The following SYNE1 variants were observed in gnomAD, a reference collection of about 807,000 sequenced individuals.
SYNE1 encodes nesprin-1.
SYNE1 carries 616 observed loss-of-function variants against 1,111.0 expected under a neutral mutation model. That is an observed-to-expected ratio of 0.55 (90% CI 0.52 to 0.59). The LOEUF is 0.59. SYNE1 is among the 20% of genes least tolerant of loss of function. The pLI, the probability that SYNE1 is intolerant of heterozygous loss-of-function variation, is 0.00. For synonymous variants in SYNE1, 3,855 were observed against 3,825.8 expected, an observed-to-expected ratio of 1.01 and a Z score of -0.28; for missense variants, 10,006 against 10,417.0, an observed-to-expected ratio of 0.96 and a Z score of 1.72.
chr6:152,547,181 C>T (rs1200655498), intron 3 of SYNE1, among the ~76,000 whole-genome samples: 2 of 152,228 alleles, frequency 1.3e-5, no homozygotes, highest in Non-Finnish European at 2.9e-5. Context: ...TGTTGTTGCT[C>T]CACACCACTA....
rs539319557 is a variant in SYNE1, at chr6:152,376,608, A to T, written c.9147-50T>A. 463 of 1,603,922 alleles carry T rather than the reference A, an allele frequency of 2.9e-4. 8 individuals are homozygous for T. The South Asian group carries it at 4.8e-3, about 17-fold the overall frequency. Reference sequence around the variant, plus strand: ...ATGGCAGGAAAAAGCGATAAAGTTGATGAAAATCATGTTTGATAGAATCAC... The same window carrying T: ...ATGGCAGGAAAAAGCGATAAAGTTGTTGAAAATCATGTTTGATAGAATCAC... On this transcript the variant is annotated intron_variant, in intron 57 of 145. Transcript: ENST00000367255.
intron 6 of SYNE1, chr6:152,511,519 T>C: frequency 6.5e-7 from 1 of 1,542,840 alleles, no homozygotes; most frequent in South Asian, 1.1e-5. Flanking sequence ...TAACTTATGT[T>C]CCCTTTTACC....
intron 127 of SYNE1, among the ~76,000 whole-genome samples, 188 bp from the exon 128 acceptor site, chr6:152,189,595 T>C (rs2071596357): frequency 2.0e-5 from 3 of 152,190 alleles, no homozygotes; most frequent in South Asian, 4.1e-4. Flanking sequence ...AAAGTATATA[T>C]CACAATAAAG....
intron 52 of SYNE1, 113 bp from the exon 53 acceptor site, chr6:152,390,565 A>C: frequency 9.0e-7 from 1 of 1,111,466 alleles, no homozygotes; most frequent in Non-Finnish European, 1.3e-6. Flanking sequence ...TTACCTTAAA[A>C]TGAAAACAAC....
At position 152,153,779 on chromosome 6, in the gene SYNE1, C is replaced by T. The variant is rs2060865622; in HGVS notation, c.24129+1113G>A. On this transcript the variant is annotated intron_variant, in intron 133 of 145. Coordinates refer to ENST00000367255, the MANE Select transcript of SYNE1 (RefSeq NM_182961.4). ...TTATTTTAATTTAGTGGTATAGTTA[C>T]ATATGAATTCATTCACCATTCAGAC... Among the ~76,000 whole-genome samples, 7 of 152,310 alleles carry T rather than the reference C, an allele frequency of 4.6e-5. No homozygotes were observed. The South Asian group carries it at 1.4e-3, about 32-fold the overall frequency.
intron 125 of SYNE1, 139 bp downstream of exon 125, chr6:152,207,833 A>G (rs2076800339): frequency 4.8e-6 from 4 of 838,162 alleles, no homozygotes; most frequent in African/African-American, 1.7e-5. Flanking sequence ...ATCATTTTGT[A>G]TATTTCTGTT....
chr6:152,391,651 T>G, intron 51 of SYNE1, 83 bp from the exon 52 acceptor site: 1 of 1,460,826 alleles, frequency 6.8e-7, no homozygotes, highest in Non-Finnish European at 9.1e-7. Context: ...TGATTGTTGA[T>G]ATTGGAGCAG....
At chr6:152,166,483 C>G (rs1280323834) in intron 130 of SYNE1, among the ~76,000 whole-genome samples, 2 of 152,166 alleles carry the variant, frequency 1.3e-5, no homozygotes, top group African/African-American at 2.4e-5. Context: ...TGGTTCAAAA[C>G]TCACAAATAT....
intron 78 of SYNE1, 120 bp from the exon 79 acceptor site, chr6:152,326,753 A>G (rs2096076295): frequency 2.2e-6 from 2 of 903,972 alleles, no homozygotes; most frequent in African/African-American, 1.6e-5. Flanking sequence ...GTGTAAGTGC[A>G]TTGATAAGTT....
At chr6:152,231,592 G>T (rs774183893) in intron 113 of SYNE1, 25 bp from the exon 114 acceptor site, 8 of 1,609,570 alleles carry the variant, frequency 5.0e-6, no homozygotes, top group Non-Finnish European at 6.8e-6. Context: ...GAGAAAATAA[G>T]ATTATACAAT....
chr6:152,459,181 T>C (rs2098715826), intron 21 of SYNE1, among the ~76,000 whole-genome samples: 1 of 152,154 alleles, frequency 6.6e-6, no homozygotes, highest in South Asian at 2.1e-4. Flanking sequence ...AAATCGTCCA[T>C]CTGGATAGCA....
chr6:152,269,093 A>C, intron 99 of SYNE1, 62 bp downstream of exon 99: 1 of 1,612,432 alleles, frequency 6.2e-7, no homozygotes, highest in Non-Finnish European at 8.5e-7. Context: ...CTTCTGAAAT[A>C]TGCCTCTCAG....
chr6:152,480,231 T>C (rs11155853), intron 14 of SYNE1, among the ~76,000 whole-genome samples: 79,114 of 152,112 alleles, frequency 0.52, 22,352 homozygotes, highest in East Asian at 0.76. Flanking sequence ...TTTTAATAAG[T>C]CAAACTTGGC....
intron 34 of SYNE1, 129 bp from the exon 35 acceptor site, chr6:152,430,838 G>T: frequency 1.1e-6 from 1 of 891,828 alleles, no homozygotes; most frequent in Non-Finnish European, 1.8e-6. Flanking sequence ...TTAGAGCGCA[G>T]CTGTGAGCAA....
intron 3 of SYNE1, among the ~76,000 whole-genome samples, chr6:152,609,040 C>G (rs1030605027): frequency 1.3e-5 from 2 of 152,060 alleles, no homozygotes; most frequent in Admixed American, 1.3e-4. Flanking sequence ...TCTGCAGCTC[C>G]CAGAGTGATC....
At position 152,380,927 on chromosome 6, in the gene SYNE1, AT is replaced by A. The variant is rs763377030; in HGVS notation, c.9009+78del. ...ATGTTGCGTGTTTTTAGTTAGCAAG[AT>A]TTTTTTTTTAAGGAATGATGAAAGT... On this transcript the variant is annotated intron_variant, in intron 56 of 145. Coordinates refer to ENST00000367255, the MANE Select transcript of SYNE1 (RefSeq NM_182961.4). 5,116 of 1,252,068 alleles carry A rather than the reference AT, an allele frequency of 4.1e-3. 2 individuals are homozygous for A. The highest frequency in any genetic ancestry group is 0.011 in the East Asian group (422 of 37,972). The allele number at this position is 1,252,068 out of a possible 1,614,324, so 77.6% of individuals were successfully genotyped here. A position where few individuals can be genotyped will look rare whatever the true frequency, so the allele number is the denominator to read the frequency against.
At position 152,262,187 on chromosome 6, in the gene SYNE1, C is replaced by T. The variant is rs201346604; in HGVS notation, c.18817G>A (p.Glu6273Lys). 215 of 1,613,362 alleles carry T rather than the reference C, an allele frequency of 1.3e-4. 1 individual carries two copies. The highest frequency in any genetic ancestry group is 4.5e-4 in the African/African-American group (34 of 74,924). The change falls in exon 101 of 146, where the codon GAA (glutamate) becomes AAA (lysine). Residue 6273 changes from glutamate to lysine, a missense_variant and splice_region_variant. This residue lies in a region of SYNE1 where 2,182 missense variants were observed against 2,287.8 expected (regional missense o/e 0.95). Coordinates refer to ENST00000367255, the MANE Select transcript of SYNE1 (RefSeq NM_182961.4). ...TCCTGGGATAACACATCAGGTTTTT[C>T]GCTATTAGAAGAATAAATAATCTAA... ...SAAETSGDAGEKPDVLSQELG... is the reference protein window; with the variant it reads ...SAAETSGDAGKKPDVLSQELG...
intron 127 of SYNE1, among the ~76,000 whole-genome samples, chr6:152,191,900 T>C (rs538125837): frequency 6.6e-6 from 1 of 152,080 alleles, no homozygotes; most frequent in Non-Finnish European, 1.5e-5. Context: ...ACTTCCATCT[T>C]AGTACTGCTT....
At chr6:152,274,880 G>A (rs977281689) in intron 98 of SYNE1, among the ~76,000 whole-genome samples, 2 of 152,124 alleles carry the variant, frequency 1.3e-5, no homozygotes, top group Non-Finnish European at 2.9e-5. Context: ...ACAGGTGGGA[G>A]CCATGGCCCA....
Sources: gnomAD v4.1 joint callset for allele counts (sites outside exome capture counted in the v4.1 genomes callset) on GRCh38, gnomAD v4.1.1 for gene constraint, gnomAD v4.1.1 regional missense constraint, MANE v1.5 for transcripts, NCBI Gene and HGNC (gene_info 2026-07-23, HGNC 2026-07-21) for gene names.